The following ZNF609 variants were observed in gnomAD, a reference collection of about 807,000 sequenced individuals.
ZNF609 encodes the protein zinc finger protein 609.
A neutral mutation model predicts 109.5 loss-of-function variants in ZNF609; 11 were observed. The ratio of observed to expected loss-of-function variants is 0.10; its 90% CI spans 0.06 to 0.17. ZNF609 has a LOEUF of 0.17. Ranked by LOEUF, ZNF609 falls within the 10% of genes least tolerant of loss-of-function variation. The pLI, the probability that ZNF609 is intolerant of heterozygous loss-of-function variation, is 1.00. For missense variants in ZNF609, 1,559 were observed against 1,772.4 expected, an observed-to-expected ratio of 0.88 and a Z score of 2.16; for synonymous variants, 646 against 662.0, an observed-to-expected ratio of 0.98 and a Z score of 0.37.
At chr15:64,481,731 GAATTC>G (rs1352766326) in intron 1 of ZNF609, among the ~76,000 whole-genome samples, 31 of 152,138 alleles carry the variant, frequency 2.0e-4, no homozygotes, top group Admixed American at 2.0e-3. Flanking sequence ...AATAAAAGAT[GAATTC>G]AATAAGCCTC....
intron 2 of ZNF609, among the ~76,000 whole-genome samples, chr15:64,552,561 T>C (rs1894500981): frequency 1.3e-5 from 2 of 152,122 alleles, no homozygotes; most frequent in African/African-American, 4.8e-5. Flanking sequence ...TGCTATGTTG[T>C]CAGAGTGGTC....
intron 3 of ZNF609, chr15:64,631,907 G>A (rs1229884645): frequency 6.5e-6 from 1 of 154,882 alleles, no homozygotes; most frequent in African/African-American, 2.4e-5. Context: ...CTTAACCTTT[G>A]TGTTTGTCCA....
chr15:64,644,858 C>T (rs1407758253), intron 3 of ZNF609, among the ~76,000 whole-genome samples: 2 of 152,164 alleles, frequency 1.3e-5, no homozygotes, highest in Non-Finnish European at 2.9e-5. Flanking sequence ...AGTATGAATG[C>T]TTAAAACAGA....
chr15:64,621,111 G>A (rs1895869237), intron 2 of ZNF609, among the ~76,000 whole-genome samples: 2 of 152,174 alleles, frequency 1.3e-5, no homozygotes, highest in African/African-American at 4.8e-5. Context: ...CTCACAAAGG[G>A]AAGAGTCCCA....
intron 1 of ZNF609, among the ~76,000 whole-genome samples, chr15:64,498,760 C>G (rs1270230013): frequency 1.3e-5 from 2 of 152,138 alleles, no homozygotes; most frequent in African/African-American, 4.8e-5. Flanking sequence ...TTTTCTCTTT[C>G]ATTCTTAACC....
chr15:64,614,090 T>C (rs1040886255), intron 2 of ZNF609, among the ~76,000 whole-genome samples: 1 of 151,366 alleles, frequency 6.6e-6, no homozygotes. Context: ...ACTAATTTTT[T>C]TTGTATTTTT....
chr15:64,493,418 C>G (rs1381098645), intron 1 of ZNF609, among the ~76,000 whole-genome samples: 3 of 152,112 alleles, frequency 2.0e-5, no homozygotes, highest in Non-Finnish European at 2.9e-5. Context: ...TTACAATGTA[C>G]AAGCCTGTGG....
At chr15:64,494,691 A>T (rs1893458907) in intron 1 of ZNF609, among the ~76,000 whole-genome samples, 1 of 151,810 alleles carries the variant, frequency 6.6e-6, no homozygotes, top group South Asian at 2.1e-4. Flanking sequence ...TGCCTGGCTA[A>T]TTTTTTGTAT....
At position 64,535,330 on chromosome 15, in the gene ZNF609, A is replaced by G. The variant is rs148730156; in HGVS notation, c.747+35164A>G. ...CTCTCATAGCACTGGGATTACAGTC[A>G]TGAGCCTGGACAAAAATGTTATATA... On this transcript the variant is annotated intron_variant, in intron 2 of 9. Transcript: ENST00000326648. Among the ~76,000 whole-genome samples the G allele has an allele frequency of 2.3e-4, 35 of 152,324 alleles. No homozygotes were observed. In the East Asian group the frequency reaches 3.3e-3, roughly 14 times the overall value.
In ZNF609 at chr15:64,622,926, C is replaced by T. The variant is rs777951987; in HGVS notation, c.847C>T (p.Arg283Cys). ...ATCTCCCTGTGAGCAGATCATGGTT[C>T]GTACCCGATCAGTTGGGGTCAACAC... The part of the protein sequence containing the change: ...ISSPCEQIMV[R>C]TRSVGVNTCD... Residue 283 changes from arginine to cysteine, a missense_variant, in exon 3 of 10, where the codon CGT (arginine) becomes TGT (cysteine). Arg to Cys is a radical substitution (Grantham distance 180, BLOSUM62 -3). Transcript: ENST00000326648. 9 of 1,614,074 alleles carry T rather than the reference C, an allele frequency of 5.6e-6. No homozygotes were observed. The highest frequency in any genetic ancestry group is 1.6e-4 in the Middle Eastern group (1 of 6,084).
chr15:64,625,348 A>C (rs766766676), intron 3 of ZNF609, among the ~76,000 whole-genome samples: 2 of 151,546 alleles, frequency 1.3e-5, no homozygotes, highest in Non-Finnish European at 2.9e-5. Flanking sequence ...GTGAAACCCT[A>C]TCTCTACTAA....
At chr15:64,594,379 C>T (rs1895354929) in intron 2 of ZNF609, among the ~76,000 whole-genome samples, 1 of 151,354 alleles carries the variant, frequency 6.6e-6, no homozygotes, top group South Asian at 2.1e-4. Flanking sequence ...GTCACCCAGG[C>T]TGGAGTGCAG....
intron 2 of ZNF609, among the ~76,000 whole-genome samples, chr15:64,606,047 G>A (rs113499330): frequency 0.046 from 6,959 of 149,810 alleles, 531 homozygotes; most frequent in African/African-American, 0.16. Context: ...GAGCCACCGC[G>A]CCTGGCCTTA....
chr15:64,593,397 T>G (rs900708802), intron 2 of ZNF609: 2 of 760,806 alleles, frequency 2.6e-6, no homozygotes, highest in African/African-American at 3.5e-5. Context: ...TGTACTTAAA[T>G]AAATAAATAA....
intron 2 of ZNF609, among the ~76,000 whole-genome samples, chr15:64,545,049 A>G (rs1272246737): frequency 6.6e-6 from 1 of 152,220 alleles, no homozygotes; most frequent in African/African-American, 2.4e-5. Flanking sequence ...CTATTTAGCA[A>G]GATTAAATGA....
chr15:64,623,733 A>G (rs1324073858), intron 3 of ZNF609, among the ~76,000 whole-genome samples: 2 of 152,328 alleles, frequency 1.3e-5, no homozygotes, highest in African/African-American at 2.4e-5. Context: ...TTGAAAATTT[A>G]TGAACCTGAA....
chr15:64,681,199 T>C (rs1350731626), intron 8 of ZNF609, 110 bp from the exon 9 acceptor site: 1 of 926,606 alleles, frequency 1.1e-6, no homozygotes, highest in Admixed American at 2.0e-5. Flanking sequence ...AGCAAATATA[T>C]CTGGCTGAGT....
At chr15:64,562,062 GT>G (rs1396873027) in intron 2 of ZNF609, among the ~76,000 whole-genome samples, 1 of 152,158 alleles carries the variant, frequency 6.6e-6, no homozygotes, top group Non-Finnish European at 1.5e-5. Context: ...ATCTTTTTGA[GT>G]TTTATAAATC....
intron 1 of ZNF609, among the ~76,000 whole-genome samples, chr15:64,493,866 A>G (rs1387658626): frequency 1.3e-5 from 2 of 152,354 alleles, no homozygotes; most frequent in East Asian, 1.9e-4. Flanking sequence ...CATCTCTGCA[A>G]TGACCTGTCA....
Sources: allele counts gnomAD v4.1 joint callset (sites outside exome capture counted in the v4.1 genomes callset), GRCh38; gene constraint gnomAD v4.1.1; transcripts MANE v1.5; gene names NCBI Gene and HGNC (gene_info 2026-07-23, HGNC 2026-07-21).